The following NKAIN2 variants were observed in gnomAD, a reference collection of about 807,000 sequenced individuals.
NKAIN2 encodes sodium/potassium-transporting ATPase subunit beta-1-interacting protein 2.
NKAIN2 carries 14 observed loss-of-function variants against 32.6 expected under a neutral mutation model. The ratio of observed to expected loss-of-function variants is 0.43; its 90% CI spans 0.28 to 0.67. The LOEUF (loss-of-function observed/expected upper bound fraction) is 0.67, where lower values mean the gene tolerates loss of function less well. NKAIN2 is among the 30% of genes least tolerant of loss of function. The pLI is 0.17. For missense variants in NKAIN2, 198 were observed against 258.3 expected, an observed-to-expected ratio of 0.77 and a Z score of 1.60; for synonymous variants, 80 against 87.2, an observed-to-expected ratio of 0.92 and a Z score of 0.46.
At chr6:124,030,017 A>T (rs1009982322) in intron 1 of NKAIN2, among the ~76,000 whole-genome samples, 2 of 152,026 alleles carry the variant, frequency 1.3e-5, no homozygotes, top group Non-Finnish European at 1.5e-5. Flanking sequence ...AGCCTGGCCA[A>T]CATGGTGAAA....
At chr6:124,466,564 A>C (rs1776764663) in intron 3 of NKAIN2, among the ~76,000 whole-genome samples, 1 of 152,074 alleles carries the variant, frequency 6.6e-6, no homozygotes, top group Non-Finnish European at 1.5e-5. Flanking sequence ...GAAAGAAGGC[A>C]GCAGCCCTTC....
intron 1 of NKAIN2, among the ~76,000 whole-genome samples, chr6:124,035,348 G>C (rs768956156): frequency 1.6e-4 from 24 of 152,018 alleles, no homozygotes; most frequent in Non-Finnish European, 2.5e-4. Flanking sequence ...AATTTATCCA[G>C]AAGAATACCT....
intron 4 of NKAIN2, among the ~76,000 whole-genome samples, chr6:124,659,425 A>T (rs1484246965): frequency 2.0e-5 from 3 of 152,122 alleles, no homozygotes; most frequent in South Asian, 4.1e-4. Context: ...TAAAAAAAAA[A>T]ACTATGTGAG....
intron 1 of NKAIN2, among the ~76,000 whole-genome samples, chr6:123,907,056 C>G (rs756031197): frequency 1.3e-4 from 20 of 152,174 alleles, no homozygotes; most frequent in South Asian, 6.2e-4. Flanking sequence ...CTCCTGTGAA[C>G]AGTGGCAATT....
At chr6:124,289,901 A>G (rs1795722284) in intron 2 of NKAIN2, among the ~76,000 whole-genome samples, 1 of 152,212 alleles carries the variant, frequency 6.6e-6, no homozygotes, top group South Asian at 2.1e-4. Flanking sequence ...CTAAAGCATT[A>G]ACAAATGCAT....
At chr6:124,418,647 G>A (rs1309248328) in intron 3 of NKAIN2, among the ~76,000 whole-genome samples, 2 of 150,248 alleles carry the variant, frequency 1.3e-5, no homozygotes, top group African/African-American at 2.4e-5. Flanking sequence ...GAACTATCAC[G>A]TAGTGCATGC....
At chr6:124,601,226 G>A (rs780118675) in intron 3 of NKAIN2, among the ~76,000 whole-genome samples, 16 of 151,970 alleles carry the variant, frequency 1.1e-4, no homozygotes, top group East Asian at 1.9e-4. Flanking sequence ...TTAGCTTCAC[G>A]GCTTCCATTA....
chr6:123,809,306 C>T (rs1161550492), intron 1 of NKAIN2, among the ~76,000 whole-genome samples: 1 of 150,528 alleles, frequency 6.6e-6, no homozygotes, highest in African/African-American at 2.4e-5. Context: ...TAATAAAATA[C>T]ATAAGCCATC....
intron 3 of NKAIN2, among the ~76,000 whole-genome samples, chr6:124,402,170 A>AGG (rs1019542339): frequency 6.6e-6 from 1 of 152,134 alleles, no homozygotes; most frequent in African/African-American, 2.4e-5. Flanking sequence ...CACCCCACCA[A>AGG]GACTTACCTG....
intron 4 of NKAIN2, among the ~76,000 whole-genome samples, chr6:124,663,804 G>GAAAT (rs1424101791): frequency 6.6e-6 from 1 of 152,144 alleles, no homozygotes; most frequent in East Asian, 1.9e-4. Flanking sequence ...TAGACTATCT[G>GAAAT]AAATAAATTT....
At chr6:124,105,379 G>T (rs986447578) in intron 1 of NKAIN2, among the ~76,000 whole-genome samples, 3 of 152,132 alleles carry the variant, frequency 2.0e-5, no homozygotes, top group Non-Finnish European at 2.9e-5. Context: ...GTAGTTATAA[G>T]AGGAGAGCGC....
At chr6:124,142,297 CT>C (rs1426411790) in intron 1 of NKAIN2, among the ~76,000 whole-genome samples, 1 of 152,118 alleles carries the variant, frequency 6.6e-6, no homozygotes, top group Non-Finnish European at 1.5e-5. Context: ...TCATGAATTC[CT>C]TTCGACTCCA....
intron 4 of NKAIN2, among the ~76,000 whole-genome samples, chr6:124,713,546 C>G (rs1350619331): frequency 6.6e-6 from 1 of 152,080 alleles, no homozygotes; most frequent in Non-Finnish European, 1.5e-5. Flanking sequence ...GTAGAGCTTA[C>G]ATTTCCATAC....
chr6:124,732,079 C>A (rs563199795), intron 4 of NKAIN2, among the ~76,000 whole-genome samples: 1 of 151,936 alleles, frequency 6.6e-6, no homozygotes, highest in Admixed American at 6.6e-5. Flanking sequence ...GACCTTACCT[C>A]CATTTATTAA....
chr6:124,678,953 A>G (rs954917794), intron 4 of NKAIN2, among the ~76,000 whole-genome samples: 1 of 152,086 alleles, frequency 6.6e-6, no homozygotes, highest in African/African-American at 2.4e-5. Flanking sequence ...AGAGCGATTT[A>G]CTAGTTTCAT....
intron 1 of NKAIN2, among the ~76,000 whole-genome samples, chr6:123,928,377 C>T (rs2114512843): frequency 6.6e-6 from 1 of 152,168 alleles, no homozygotes. Context: ...TTTGGTAAGC[C>T]TGCACATATA....
At chr6:123,821,320 T>C (rs1773913867) in intron 1 of NKAIN2, among the ~76,000 whole-genome samples, 2 of 152,222 alleles carry the variant, frequency 1.3e-5, no homozygotes, top group Admixed American at 6.5e-5. Context: ...ATCTTATTTT[T>C]AGTTTGGAGA....
At chr6:124,781,445 G>C (rs997334332) in intron 4 of NKAIN2, among the ~76,000 whole-genome samples, 14 of 152,074 alleles carry the variant, frequency 9.2e-5, no homozygotes, top group African/African-American at 3.1e-4. Context: ...GTAATCACTG[G>C]CATTTCCTTT....
chr6:124,062,430 A>ATTGTTG (rs1782958029), intron 1 of NKAIN2, among the ~76,000 whole-genome samples: 1 of 151,906 alleles, frequency 6.6e-6, no homozygotes, highest in Non-Finnish European at 1.5e-5. Flanking sequence ...TGTTGTTGTT[A>ATTGTTG]TTGTTGTTGT....
Sources: gnomAD v4.1 joint callset for allele counts (sites outside exome capture counted in the v4.1 genomes callset) on GRCh38, gnomAD v4.1.1 for gene constraint, MANE v1.5 for transcripts, NCBI Gene and HGNC (gene_info 2026-07-23, HGNC 2026-07-21) for gene names.